Variants in LIPN observed in about 807,000 individuals in gnomAD.
The protein encoded by LIPN is lipase member N.
Under a neutral mutation model 43.7 loss-of-function variants are expected in LIPN, and 32 were observed. That is an observed-to-expected ratio of 0.73 (90% CI 0.55 to 0.98). The LOEUF is 0.98. Ranked by LOEUF, LIPN falls within the 50% of genes least tolerant of loss-of-function variation. The pLI is 0.00. For missense variants in LIPN, 505 were observed against 483.8 expected, an observed-to-expected ratio of 1.04 and a Z score of -0.41; for synonymous variants, 156 against 157.6, an observed-to-expected ratio of 0.99 and a Z score of 0.08.
chr10:88,762,390 G>C (rs1199653508), intron 3 of LIPN, 85 bp downstream of exon 3: 3 of 807,592 alleles, frequency 3.7e-6, no homozygotes, highest in African/African-American at 3.4e-5. Flanking sequence ...TGCATCAACA[G>C]AGTTTATCAA....
In LIPN at chr10:88,762,697, A is replaced by G. The variant is rs140876709; in HGVS notation, c.226+392A>G. On this transcript the variant is annotated intron_variant, in intron 3 of 9. Transcript: ENST00000404459. ...ATTGACTCTGGGGCACCCAAGAAGA[A>G]CCTCTCCTGCTCCCACTAAAATTAA... Among the ~76,000 whole-genome samples the G allele has an allele frequency of 2.6e-3, 393 of 152,158 alleles. 3 individuals carry two copies. The highest frequency in any genetic ancestry group is 8.9e-3 in the African/African-American group (368 of 41,530).
At position 88,778,134 on chromosome 10, in the gene LIPN, T is replaced by C. The variant is rs1045326802; in HGVS notation, c.1089T>C (p.His363=). 4 of 1,613,678 alleles carry C rather than the reference T, an allele frequency of 2.5e-6. No homozygotes were observed. Among genetic ancestry groups the C allele is most frequent in the African/African-American group, 1.3e-5 (1 of 75,044 alleles). ...TACTCCCTCAAATCAAGAGTCTTCA[T>C]TACTTTAAGCTATTGCCAGATTGGA... The part of the protein sequence containing the change: ...ARILPQIKSL[H]YFKLLPDWNH... Residue 363 remains histidine (H), a synonymous_variant, in exon 10 of 10, where the codon CAT becomes CAC. Transcript: ENST00000404459.
At chr10:88,768,751 T>C in intron 5 of LIPN, 41 bp from the exon 6 acceptor site, 1 of 1,583,600 alleles carries the variant, frequency 6.3e-7, no homozygotes, top group Non-Finnish European at 8.6e-7. Context: ...ACTGCGTAAG[T>C]ATTTATTTTT....
intron 9 of LIPN, 75 bp from the exon 10 acceptor site, chr10:88,777,934 A>C: frequency 1.2e-6 from 1 of 848,556 alleles, no homozygotes; most frequent in Non-Finnish European, 1.9e-6. Context: ...CATTGTCCAC[A>C]TTCATTTAGC....
chr10:88,764,371 C>T, intron 3 of LIPN, 39 bp from the exon 4 acceptor site: 1 of 1,485,428 alleles, frequency 6.7e-7, no homozygotes, highest in Non-Finnish European at 9.3e-7. Flanking sequence ...CTCTCTCTTT[C>T]TCTTTCTCCC....
chr10:88,760,172 T>C (rs1842975326), intron 1 of LIPN, among the ~76,000 whole-genome samples, 66 bp downstream of exon 1: 1 of 152,100 alleles, frequency 6.6e-6, no homozygotes, highest in African/African-American at 2.4e-5. Flanking sequence ...GGCAGTCAGG[T>C]GCAAGAGCTC....
chr10:88,768,757 T>C (rs1466272175), intron 5 of LIPN, 35 bp from the exon 6 acceptor site: 1 of 1,594,202 alleles, frequency 6.3e-7, no homozygotes, highest in Admixed American at 1.7e-5. Context: ...TAAGTATTTA[T>C]TTTTACAAGA....
At chr10:88,761,858 T>G (rs1271337927) in intron 2 of LIPN, among the ~76,000 whole-genome samples, 2 of 151,972 alleles carry the variant, frequency 1.3e-5, no homozygotes, top group Non-Finnish European at 2.9e-5. Context: ...TATTTGTTGA[T>G]GTACATGATT....
At chr10:88,771,396 T>G (rs1263825080) in intron 7 of LIPN, among the ~76,000 whole-genome samples, 1 of 151,808 alleles carries the variant, frequency 6.6e-6, no homozygotes, top group Non-Finnish European at 1.5e-5. Context: ...AACCAATGCC[T>G]CTTTATCCTT....
chr10:88,772,962 A>G (rs1291568592), intron 7 of LIPN, among the ~76,000 whole-genome samples: 1 of 151,880 alleles, frequency 6.6e-6, no homozygotes, highest in African/African-American at 2.4e-5. Flanking sequence ...AAAGATTTCT[A>G]CAATGAAAAC....
At position 88,768,913 on chromosome 10, in the gene LIPN, A is replaced by G; in HGVS notation, c.657A>G (p.Pro219=). Residue 219 remains proline, a synonymous_variant, in exon 6 of 10, where the codon CCA becomes CCG. Transcript: ENST00000404459. ...TGIFTRFFLL[P]NSIIKAVFGT... Reference sequence around the variant, plus strand: ...TTTTTACCAGGTTTTTTCTACTTCCAAATTCCATAATCAAGGTAGGCTCCT... The same window carrying G: ...TTTTTACCAGGTTTTTTCTACTTCCGAATTCCATAATCAAGGTAGGCTCCT... 1.2e-6 allele frequency: 2 copies of G among 1,611,298 alleles called. No homozygotes were observed. The highest frequency in any genetic ancestry group is 1.7e-6 in the Non-Finnish European group (2 of 1,178,228).
intron 7 of LIPN, among the ~76,000 whole-genome samples, chr10:88,772,103 AT>A (rs35059517): frequency 0.022 from 3,237 of 146,554 alleles, 38 homozygotes; most frequent in Middle Eastern, 0.038. Context: ...TTTAAATCAG[AT>A]TTTTTTTTTT....
intron 3 of LIPN, among the ~76,000 whole-genome samples, chr10:88,763,536 G>C (rs1843038212): frequency 6.6e-6 from 1 of 152,014 alleles, no homozygotes; most frequent in Admixed American, 6.6e-5. Flanking sequence ...ACCACTAATA[G>C]TCACCATTTC....
intron 7 of LIPN, 21 bp from the exon 8 acceptor site, chr10:88,774,452 T>C (rs759127821): frequency 1.3e-6 from 2 of 1,580,472 alleles, no homozygotes; most frequent in Admixed American, 1.7e-5. Context: ...ATTGCTGTAA[T>C]ATGAGTTTTA....
chr10:88,776,658 C>A (rs1240003066), intron 9 of LIPN, among the ~76,000 whole-genome samples: 1 of 152,072 alleles, frequency 6.6e-6, no homozygotes, highest in Non-Finnish European at 1.5e-5. Flanking sequence ...AGAATTAACC[C>A]ATGTAAGCTC....
At chr10:88,770,423 T>A (rs1843185197) in intron 6 of LIPN, among the ~76,000 whole-genome samples, 1 of 148,152 alleles carries the variant, frequency 6.7e-6, no homozygotes, top group Non-Finnish European at 1.5e-5. Context: ...TTCATACCAA[T>A]TAATGAGAAA....
chr10:88,779,095 A>G lies in LIPN; in HGVS notation c.*853A>G, dbSNP rs1475099849. Among the ~76,000 whole-genome samples, 1 of 152,218 alleles carries G rather than the reference A, an allele frequency of 6.6e-6. No individual in the cohort carries two copies. Among genetic ancestry groups the G allele is most frequent in the South Asian group, 2.1e-4 (1 of 4,832 alleles). On this transcript the variant is annotated 3_prime_UTR_variant, in exon 10 of 10. Transcript: ENST00000404459. ...TAAACATTAAGTATTTTCTTCCTCC[A>G]TCTTAAAAGCAATGAGAAGCCACCA...
intron 6 of LIPN, 113 bp downstream of exon 6, chr10:88,769,041 A>T: frequency 5.7e-6 from 6 of 1,055,318 alleles, no homozygotes; most frequent in Non-Finnish European, 8.3e-6. Context: ...AATCTATAGA[A>T]CTTAGACTCT....
At chr10:88,767,821 T>C (rs920095348) in intron 5 of LIPN, among the ~76,000 whole-genome samples, 4 of 151,698 alleles carry the variant, frequency 2.6e-5, no homozygotes, top group Non-Finnish European at 4.4e-5. Flanking sequence ...GTAGGACATT[T>C]AGTAGGTCCC....
Sources: gnomAD v4.1 joint callset for allele counts (sites outside exome capture counted in the v4.1 genomes callset) on GRCh38, gnomAD v4.1.1 for gene constraint, MANE v1.5 for transcripts, NCBI Gene and HGNC (gene_info 2026-07-23, HGNC 2026-07-21) for gene names.